The following ANOS1 variants were observed in gnomAD, a reference collection of about 807,000 sequenced individuals.
The protein encoded by ANOS1 is anosmin 1.
A neutral mutation model predicts 59.0 loss-of-function variants in ANOS1; 6 were observed. That is an observed-to-expected ratio of 0.10 (90% CI 0.06 to 0.20). The LOEUF is 0.20. Ranked by LOEUF, ANOS1 falls within the 10% of genes least tolerant of loss-of-function variation. The pLI is 1.00. For missense variants in ANOS1, 433 were observed against 542.3 expected, an observed-to-expected ratio of 0.80 and a Z score of 2.00; for synonymous variants, 217 against 223.4, an observed-to-expected ratio of 0.97 and a Z score of 0.25.
At chrX:8,618,374 A>G (rs1450049436) in intron 3 of ANOS1, among the ~76,000 whole-genome samples, 1 of 112,059 alleles carries the variant, frequency 8.9e-6, no homozygotes, top group Non-Finnish European at 1.9e-5. Flanking sequence ...TCAGCTTTCT[A>G]TGACGTTAAC....
chrX:8,709,931 A>AT (rs1195735211), intron 1 of ANOS1, among the ~76,000 whole-genome samples: 2 of 108,211 alleles, frequency 1.8e-5, no homozygotes, highest in Non-Finnish European at 3.9e-5. Flanking sequence ...TTATCTTATA[A>AT]TTTTTTTTTA....
In ANOS1 at chrX:8,534,341, C is replaced by T; in HGVS notation, c.1962G>A (p.Glu654=). ...CACTGTGTGCTGAAGAGGGTGGGAG[C>T]TCCGGCGTCCGGAACGTCTTGATGG... ...PATIKTFRTP[E]LPPSSAHRSH... The change falls in exon 13 of 14, where the codon GAG becomes GAA. Residue 654 remains glutamate (E), a synonymous_variant. Coordinates refer to ENST00000262648, the MANE Select transcript of ANOS1 (RefSeq NM_000216.4). The T allele has an allele frequency of 8.3e-7, 1 of 1,211,512 alleles. No individual in the cohort carries two copies. The highest frequency in any genetic ancestry group is 1.1e-6 in the Non-Finnish European group (1 of 895,383).
chrX:8,658,739 C>T (rs1293518911), intron 2 of ANOS1, among the ~76,000 whole-genome samples: 4 of 111,720 alleles, frequency 3.6e-5, no homozygotes, highest in African/African-American at 9.8e-5. Context: ...ACCTCTTCTG[C>T]TCTCACTTTG....
chrX:8,662,701 TAGAC>T (rs1932059735), intron 2 of ANOS1, among the ~76,000 whole-genome samples: 1 of 112,077 alleles, frequency 8.9e-6, no homozygotes, highest in Non-Finnish European at 1.9e-5. Flanking sequence ...AATTTGTACA[TAGAC>T]AGAGATACAC....
intron 1 of ANOS1, among the ~76,000 whole-genome samples, chrX:8,722,562 C>T (rs1215962711): frequency 9.1e-6 from 1 of 109,388 alleles, no homozygotes; most frequent in Non-Finnish European, 1.9e-5. Flanking sequence ...GAGTGGTACT[C>T]CATTATGTGT....
At chrX:8,704,365 G>T (rs185875773) in intron 1 of ANOS1, among the ~76,000 whole-genome samples, 5 of 111,577 alleles carry the variant, frequency 4.5e-5, no homozygotes, top group Non-Finnish European at 9.4e-5. Flanking sequence ...AGCAGAGATT[G>T]TCTTCAGCTG....
intron 8 of ANOS1, among the ~76,000 whole-genome samples, chrX:8,564,499 T>C (rs1930078892): frequency 8.9e-6 from 1 of 112,129 alleles, no homozygotes. Context: ...ATTAACTTGG[T>C]TTCAAAAATA....
intron 3 of ANOS1, among the ~76,000 whole-genome samples, chrX:8,602,603 T>C (rs1018356387): frequency 4.5e-5 from 5 of 111,778 alleles, no homozygotes. Context: ...CTATTTCCTG[T>C]TTCTAAAATT....
intron 3 of ANOS1, among the ~76,000 whole-genome samples, chrX:8,610,208 C>A: frequency 9.1e-6 from 1 of 110,067 alleles, no homozygotes; most frequent in Non-Finnish European, 1.9e-5. Flanking sequence ...GGAAACAAAG[C>A]TTATATGTTT....
In ANOS1 at chrX:8,699,702, G is replaced by C. The variant is rs1288987530; in HGVS notation, c.251C>G (p.Ser84Cys). ...ATACAGGTATAGGAAACGTACCTTA[G>C]AACATTGCTTGTGATTCTGGCACCA... ...LVWCQNHKQC[S>C]KCLEPCKESG... The change falls in exon 2 of 14, where the codon TCT becomes TGT. Residue 84 changes from serine to cysteine, a missense_variant. Transcript: ENST00000262648. The C allele has an allele frequency of 8.4e-7, 1 of 1,197,229 alleles. No homozygotes were observed.
chrX:8,666,456 A>C (rs1049429197), intron 2 of ANOS1, among the ~76,000 whole-genome samples: 2 of 112,017 alleles, frequency 1.8e-5, no homozygotes, highest in Non-Finnish European at 3.8e-5. Context: ...ATAATAAAAA[A>C]TGAAATAAGG....
intron 2 of ANOS1, among the ~76,000 whole-genome samples, chrX:8,685,597 G>GAAAGA (rs1555901530): frequency 1.7e-5 from 1 of 57,254 alleles, no homozygotes; most frequent in Non-Finnish European, 3.3e-5. Context: ...AGAAAGAAAG[G>GAAAGA]AAGAAAGAAA....
intron 3 of ANOS1, among the ~76,000 whole-genome samples, chrX:8,619,393 C>T (rs1931243665): frequency 9.0e-6 from 1 of 111,410 alleles, no homozygotes; most frequent in Non-Finnish European, 1.9e-5. Context: ...ATCACAAGGT[C>T]AGGAGATGGA....
intron 2 of ANOS1, among the ~76,000 whole-genome samples, chrX:8,678,877 A>T (rs891762596): frequency 8.9e-6 from 1 of 111,779 alleles, no homozygotes; most frequent in Non-Finnish European, 1.9e-5. Context: ...TCCCAAGGAG[A>T]TGCCAAACGA....
chrX:8,550,036 G>A (rs1929830888), intron 9 of ANOS1, among the ~76,000 whole-genome samples: 1 of 111,483 alleles, frequency 9.0e-6, no homozygotes, highest in South Asian at 3.7e-4. Flanking sequence ...CAAAGATATG[G>A]AAAGGAAAAT....
chrX:8,647,364 A>G (rs1931778657), intron 2 of ANOS1, among the ~76,000 whole-genome samples: 1 of 111,558 alleles, frequency 9.0e-6, no homozygotes, highest in Admixed American at 9.6e-5. Flanking sequence ...GGCATTCAGA[A>G]CAAGTCTTTC....
chrX:8,729,342 C>G (rs146975047), intron 1 of ANOS1, among the ~76,000 whole-genome samples: 2 of 106,943 alleles, frequency 1.9e-5, no homozygotes, highest in African/African-American at 6.9e-5. Context: ...TAAGACTTCC[C>G]GTAGCCCAGT....
chrX:8,630,875 T>C (rs1429857019), intron 2 of ANOS1, among the ~76,000 whole-genome samples: 1 of 112,895 alleles, frequency 8.9e-6, no homozygotes, highest in Non-Finnish European at 1.9e-5. Flanking sequence ...ATTTCTAGTG[T>C]CAGTATGCCA....
rs1555982858 is a variant in ANOS1, at chrX:8,545,409, A to AAGGCAGGC, written c.1355-5659_1355-5652dup. 5.8e-4 allele frequency among the ~76,000 whole-genome samples: 61 copies of AAGGCAGGC among 104,640 alleles called. 2 individuals carry two copies. The East Asian group carries it at 9.4e-3, about 16-fold the overall frequency. 90.9% of individuals were successfully genotyped at this position (104,640 alleles called of 115,157 possible). On this transcript the variant is annotated intron_variant, in intron 9 of 13. Coordinates refer to ENST00000262648, the MANE Select transcript of ANOS1 (RefSeq NM_000216.4). ...GAAGGAAGGAAGGAAGGAAGGAAGG[A>AAGGCAGGC]AGGCAGGCAGGCAGGCAGGCAGGCC...
Sources: allele counts gnomAD v4.1 joint callset (sites outside exome capture counted in the v4.1 genomes callset), GRCh38; gene constraint gnomAD v4.1.1; transcripts MANE v1.5; gene names NCBI Gene and HGNC (gene_info 2026-07-23, HGNC 2026-07-21).